The following NRL variants were observed in gnomAD, a reference collection of about 807,000 sequenced individuals.
NRL encodes the protein neural retina-specific leucine zipper protein.
A neutral mutation model predicts 12.5 loss-of-function variants in NRL; 16 were observed. The ratio of observed to expected loss-of-function variants is 1.28; its 90% CI spans 0.87 to 1.95. The LOEUF (loss-of-function observed/expected upper bound fraction) is 1.95. NRL is among the 30% of genes most tolerant of loss of function. The pLI is 0.00. For synonymous variants in NRL, 142 were observed against 150.9 expected (o/e 0.94, Z 0.43); for missense variants, 314 against 325.8 (o/e 0.96, Z 0.28).
rs1196915975 is a variant in NRL, at chr14:24,094,141, G to C, written c.-27-11266C>G. 3.9e-5 allele frequency: 21 copies of C among 543,752 alleles called. No homozygotes were observed. Among genetic ancestry groups the C allele is most frequent in the Non-Finnish European group, 6.8e-5 (21 of 310,844 alleles). 33.7% of individuals were successfully genotyped at this position (543,752 alleles called of 1,614,324 possible). On this transcript the variant is annotated intron_variant, in intron 1 of 2. Transcript: ENST00000561028. The surrounding 1 kb of genome is among the most constrained non-coding windows in gnomAD (Gnocchi z 4.1). ...CTCCAATGGGAGAGATGGGTTTGGCGGTTTGGAGGCAGGGGTTGGGGCGGC... is the reference window on the plus strand; with the variant it reads ...CTCCAATGGGAGAGATGGGTTTGGCCGTTTGGAGGCAGGGGTTGGGGCGGC...
chr14:24,094,911 C>T lies in NRL; in HGVS notation c.-27-12036G>A, dbSNP rs2036794137. The stretch of plus-strand genomic sequence containing the variant: ...GAAGGTGGAAGGTTAAATATCCATT[C>T]CCGGCCTCTCCCGGACTGGAAGGAC... On this transcript the variant is annotated intron_variant, in intron 1 of 2. Coordinates refer to ENST00000561028, the MANE Select transcript of NRL (RefSeq NM_001354768.3). The surrounding 1 kb of genome is among the most constrained non-coding windows in gnomAD (Gnocchi z 4.1). 8.6e-7 allele frequency: 1 copy of T among 1,162,580 alleles called. No homozygotes were observed. The highest frequency in any genetic ancestry group is 2.4e-5 in the Admixed American group (1 of 42,446). The allele number at this position is 1,162,580 out of a possible 1,614,324, so 72.0% of individuals were successfully genotyped here.
Position 24,081,357 on chromosome 14 carries a change from A to G in NRL, c.593T>C (p.Leu198Pro), listed in dbSNP as rs946332398. The G allele has an allele frequency of 2.1e-6, 3 of 1,452,890 alleles. No homozygotes were observed. Among genetic ancestry groups the G allele is most frequent in the Non-Finnish European group, 2.7e-6 (3 of 1,102,644 alleles). 90.0% of individuals were successfully genotyped at this position (1,452,890 alleles called of 1,614,324 possible). The change falls in exon 3 of 3, where the codon CTG (leucine) becomes CCG (proline). Residue 198 changes from leucine to proline, a missense_variant. Coordinates refer to ENST00000561028, the MANE Select transcript of NRL (RefSeq NM_001354768.3). This position sits in a 1 kb window ranked among gnomAD's most constrained non-coding sequence, Gnocchi z 4.4. ...GGCCACCTCGGCCCGCAGCGCGTCC[A>G]GCTGGGCGGCCAGGCGGGCGCGCTC... ...EAERARLAAQ[L>P]DALRAEVARL...
intron 1 of NRL, among the ~76,000 whole-genome samples, chr14:24,091,597 G>T (rs1304773765): frequency 6.6e-6 from 1 of 152,096 alleles, no homozygotes; most frequent in East Asian, 1.9e-4. Flanking sequence ...TAAATCAAGG[G>T]GACAGTATAG....
intron 1 of NRL, chr14:24,084,398 G>T (rs902471249): frequency 2.1e-5 from 5 of 239,006 alleles, no homozygotes; most frequent in Non-Finnish European, 3.4e-5. Context: ...GCCAGTCAGG[G>T]TGGGAGTGGA....
chr14:24,096,864 T>C (rs761035374), intron 1 of NRL: 6 of 1,599,292 alleles, frequency 3.8e-6, no homozygotes, highest in Non-Finnish European at 5.1e-6. Context: ...TGACAGCAAC[T>C]AGCTCATTGC....
intron 1 of NRL, among the ~76,000 whole-genome samples, chr14:24,097,572 A>G (rs1435283803): frequency 7.6e-6 from 1 of 131,570 alleles, no homozygotes; most frequent in Non-Finnish European, 1.6e-5. Flanking sequence ...CTCAAAAAAA[A>G]AAAAGAAAGA....
In NRL at chr14:24,097,117, G is replaced by A. The variant is rs752601665; in HGVS notation, c.-27-14242C>T. The A allele has an allele frequency of 2.5e-6, 4 of 1,613,982 alleles. No homozygotes were observed. The East Asian group carries it at 6.7e-5, about 27-fold the overall frequency. Reference sequence around the variant, plus strand: ...TGGAGCAGCAGGGCCTCATCCGAAAGCTCCCCAAGTACAATAACTGGTAAG... The same window carrying A: ...TGGAGCAGCAGGGCCTCATCCGAAAACTCCCCAAGTACAATAACTGGTAAG... On this transcript the variant is annotated intron_variant, in intron 1 of 2. Coordinates refer to ENST00000561028, the MANE Select transcript of NRL (RefSeq NM_001354768.3).
intron 1 of NRL, among the ~76,000 whole-genome samples, chr14:24,113,918 C>T (rs1056512166): frequency 1.3e-5 from 2 of 152,248 alleles, no homozygotes; most frequent in Non-Finnish European, 2.9e-5. Context: ...GACCCTGAGC[C>T]TCTGAGCCCG....
At chr14:24,108,334 A>G (rs2037369472) in intron 1 of NRL, among the ~76,000 whole-genome samples, 1 of 152,154 alleles carries the variant, frequency 6.6e-6, no homozygotes, top group African/African-American at 2.4e-5. Context: ...TCTATTCAAA[A>G]TCAGGGCTAA....
rs2036202446 is a variant in NRL at position 24,079,115 on chromosome 14, T to G, written c.*2121A>C. Among the ~76,000 whole-genome samples the G allele has an allele frequency of 6.6e-6, 1 of 152,118 alleles. No homozygotes were observed. Among genetic ancestry groups the G allele is most frequent in the Admixed American group, 6.5e-5 (1 of 15,278 alleles). On this transcript the variant is annotated 3_prime_UTR_variant, in exon 3 of 3. Transcript: ENST00000561028. ...AGCACTACTCTTAATCACCACAGTGTGCAACTTTGTTTTTTTAAGTATACT... is the reference window on the plus strand; with the variant it reads ...AGCACTACTCTTAATCACCACAGTGGGCAACTTTGTTTTTTTAAGTATACT...
At chr14:24,102,690 GTA>G in intron 1 of NRL, 1 of 1,379,320 alleles carries the variant, frequency 7.2e-7, no homozygotes, top group Non-Finnish European at 1.0e-6. Flanking sequence ...GTGTGCCCAT[GTA>G]TGTGTGTGTT....
chr14:24,104,652 ACAAAAC>A (rs2037302646), intron 1 of NRL, among the ~76,000 whole-genome samples: 2 of 143,428 alleles, frequency 1.4e-5, no homozygotes, highest in African/African-American at 5.6e-5. Flanking sequence ...AAAAAAAAAA[ACAAAAC>A]AAAACAAAAC....
At position 24,089,598 on chromosome 14, in the gene NRL, C is replaced by T. The variant is rs1286787879; in HGVS notation, c.-27-6723G>A. Among the ~76,000 whole-genome samples the T allele has an allele frequency of 5.3e-5, 8 of 152,238 alleles. No individual in the cohort carries two copies. The East Asian group carries it at 9.6e-4, about 18-fold the overall frequency. On this transcript the variant is annotated intron_variant, in intron 1 of 2. Transcript: ENST00000561028. ...TGAGGGCCTCTATTTGTACTCCTGC[C>T]GCAGGTCCTACATATGTTAGAGATG...
chr14:24,084,012 A>T (rs1424681065), intron 1 of NRL, among the ~76,000 whole-genome samples: 15 of 151,696 alleles, frequency 9.9e-5, no homozygotes, highest in Admixed American at 9.9e-4. Context: ...AGTAACTCCC[A>T]CCCCACCCCC....
At chr14:24,099,157 T>A (rs145168175) in intron 1 of NRL, 1 of 1,611,244 alleles carries the variant, frequency 6.2e-7, no homozygotes, top group Non-Finnish European at 8.5e-7. Flanking sequence ...GGCAACTCCC[T>A]GCTGGGCAAG....
At chr14:24,095,384 A>G (rs1486711201) in intron 1 of NRL, 3 of 381,686 alleles carry the variant, frequency 7.9e-6, no homozygotes, top group Non-Finnish European at 1.6e-5. Flanking sequence ...CCCAGGTCCC[A>G]GTAGCCCTCC....
Position 24,108,498 on chromosome 14 carries a change from AT to A in NRL, c.-28+6223del, listed in dbSNP as rs751345042. ...AGGTGTAAGCCACCACACCTGGCTA[AT>A]TTTTTTTTTTTTTTTAGAGATGGGG... On this transcript the variant is annotated intron_variant, in intron 1 of 2. Coordinates refer to ENST00000561028, the MANE Select transcript of NRL (RefSeq NM_001354768.3). Among the ~76,000 whole-genome samples, 795 of 140,054 alleles carry A rather than the reference AT, an allele frequency of 5.7e-3. 1 individual carries two copies. Among genetic ancestry groups the A allele is most frequent in the East Asian group, 5.1e-3 (25 of 4,866 alleles). The allele number at this position is 140,054 out of a possible 152,430, so 91.9% of individuals were successfully genotyped here. A position where few individuals can be genotyped will look rare whatever the true frequency, so the allele number is the denominator to read the frequency against.
chr14:24,101,061 G>C (rs1006124686), intron 1 of NRL, among the ~76,000 whole-genome samples: 28 of 152,146 alleles, frequency 1.8e-4, no homozygotes, highest in African/African-American at 6.5e-4. Context: ...GGCTGGCCTA[G>C]CAGTCACCCT....
At chr14:24,088,642 C>T (rs181509043) in intron 1 of NRL, among the ~76,000 whole-genome samples, 19 of 151,204 alleles carry the variant, frequency 1.3e-4, no homozygotes, top group South Asian at 1.0e-3. Context: ...GTTTGTTAGC[C>T]TGAATTATAC....
Sources: allele counts gnomAD v4.1 joint callset (sites outside exome capture counted in the v4.1 genomes callset), GRCh38; gene constraint gnomAD v4.1.1; non-coding constraint Gnocchi (gnomAD v3.1); transcripts MANE v1.5; gene names NCBI Gene and HGNC (gene_info 2026-07-23, HGNC 2026-07-21).